The following GOLGA1 variants were observed in gnomAD, a reference collection of about 807,000 sequenced individuals.
The protein encoded by GOLGA1 is golgin subfamily A member 1.
In GOLGA1, 63 loss-of-function variants were observed where a neutral mutation model predicts 119.7. The observed-to-expected ratio is 0.53, with a 90% confidence interval of 0.43 to 0.65. GOLGA1 has a LOEUF of 0.65. GOLGA1 is among the 30% of genes least tolerant of loss of function. GOLGA1 has a pLI of 0.00. For synonymous variants in GOLGA1, 318 were observed against 333.4 expected (o/e 0.95, Z 0.50); for missense variants, 798 against 912.8 (o/e 0.87, Z 1.62).
At chr9:124,929,161 C>T in intron 5 of GOLGA1, 55 bp downstream of exon 5, 2 of 1,037,776 alleles carry the variant, frequency 1.9e-6, no homozygotes, top group South Asian at 2.6e-5. Flanking sequence ...ACTATTGTTT[C>T]ATTTCAAAAA....
At chr9:124,923,330 G>A in intron 7 of GOLGA1, 107 bp from the exon 8 acceptor site, 1 of 873,734 alleles carries the variant, frequency 1.1e-6, no homozygotes, top group Non-Finnish European at 1.7e-6. Context: ...TAGAGACAGA[G>A]TCTCACTAGT....
chr9:124,892,319 T>C (rs1174120903), intron 15 of GOLGA1, among the ~76,000 whole-genome samples: 1 of 152,226 alleles, frequency 6.6e-6, no homozygotes, highest in Non-Finnish European at 1.5e-5. Flanking sequence ...GAGTTTGATT[T>C]GTGCCTTCTT....
chr9:124,897,437 C>T (rs1202062421), intron 15 of GOLGA1, among the ~76,000 whole-genome samples: 1 of 152,112 alleles, frequency 6.6e-6, no homozygotes, highest in South Asian at 2.1e-4. Context: ...CTCCACCTCC[C>T]GGGTTCAAGT....
At position 124,938,790 on chromosome 9, in the gene GOLGA1, GCC is replaced by G. The variant is rs1564347913; in HGVS notation, c.-81_-80del. On this transcript the variant is annotated 5_prime_UTR_variant, in exon 3 of 23. The change abolishes the stop of an existing upstream ORF in the 5' untranslated region. Coordinates refer to ENST00000373555, the MANE Select transcript of GOLGA1 (RefSeq NM_002077.4). ...CTGTGTTCAGGATTCAGACAGAGGC[GCC>G]TACAAAGTTTCAGACATCCAAGCTA... 1 of 1,290,578 alleles carries G rather than the reference GCC, an allele frequency of 7.7e-7. No homozygotes were observed. The allele number at this position is 1,290,578 out of a possible 1,614,324, so 79.9% of individuals were successfully genotyped here. A position where few individuals can be genotyped will look rare whatever the true frequency, so the allele number is the denominator to read the frequency against.
At chr9:124,917,254 T>C (rs1014893915) in intron 10 of GOLGA1, among the ~76,000 whole-genome samples, 9 of 152,232 alleles carry the variant, frequency 5.9e-5, no homozygotes, top group African/African-American at 2.2e-4. Context: ...AAACACATTG[T>C]TCTTTTTCTT....
chr9:124,915,543 T>C (rs1245579290), intron 10 of GOLGA1, among the ~76,000 whole-genome samples: 1 of 152,156 alleles, frequency 6.6e-6, no homozygotes, highest in East Asian at 1.9e-4. Context: ...TGCCTTTTTT[T>C]CCTTCATTAT....
At chr9:124,890,354 G>GCCCTCTCCAACAGTCTCAC in intron 16 of GOLGA1, 35 bp downstream of exon 16, 1 of 1,391,884 alleles carries the variant, frequency 7.2e-7, no homozygotes, top group Non-Finnish European at 1.0e-6. Flanking sequence ...GGGACTGCAG[G>GCCCTCTCCAACAGTCTCAC]GGGACATCGC....
chr9:124,900,702 C>T (rs1388492255), intron 12 of GOLGA1, among the ~76,000 whole-genome samples, 155 bp from the exon 13 acceptor site: 1 of 152,206 alleles, frequency 6.6e-6, no homozygotes, highest in Non-Finnish European at 1.5e-5. Context: ...CATTATAAAA[C>T]ACTAGCATTC....
Position 124,938,619 on chromosome 9 carries a change from C to T in GOLGA1, c.93G>A (p.Lys31=). 6.2e-7 allele frequency: 1 copy of T among 1,613,494 alleles called. No homozygotes were observed. The highest frequency in any genetic ancestry group is 8.5e-7 in the Non-Finnish European group (1 of 1,179,484). ...CAGCTCCCATTGAGGCAACTGATTC[C>T]TTGCTCACAGACCGTGGGATCCTAG... ...GATRIPRSVS[K]ESVASMGADS... The change falls in exon 3 of 23, where the codon AAG becomes AAA. Residue 31 remains lysine, a synonymous_variant. Coordinates refer to ENST00000373555, the MANE Select transcript of GOLGA1 (RefSeq NM_002077.4).
chr9:124,892,671 G>A (rs185402421), intron 15 of GOLGA1, among the ~76,000 whole-genome samples: 101 of 152,076 alleles, frequency 6.6e-4, no homozygotes, highest in African/African-American at 2.3e-3. Context: ...GGTGGCTCAC[G>A]CCTGTAATCC....
Position 124,899,373 on chromosome 9 carries a change from C to T in GOLGA1, c.1267G>A (p.Glu423Lys). The change falls in exon 14 of 23, where the codon GAG (glutamate) becomes AAG (lysine). Residue 423 changes from glutamate to lysine, a missense_variant. Transcript: ENST00000373555. ...QALEAQIVAL[E>K]RTRAADQTTA... is the part of the protein sequence containing the mutation. ...GTCTGGTCAGCTGCCCGCGTTCTCT[C>T]CAGGGCCACTATCTGGGCTTCTAGC... is the stretch of plus-strand genomic sequence containing the variant. The T allele has an allele frequency of 6.5e-7, 1 of 1,549,644 alleles. No homozygotes were observed. The highest frequency in any genetic ancestry group is 1.2e-5 in the South Asian group (1 of 84,068).
chr9:124,878,320 T>G lies in GOLGA1; in HGVS notation c.*2210A>C, dbSNP rs1336112915. 6 of 152,302 alleles carry G rather than the reference T, an allele frequency of 3.9e-5. No homozygotes were observed. Among genetic ancestry groups the G allele is most frequent in the Non-Finnish European group, 8.8e-5 (6 of 68,038 alleles). The allele number at this position is 152,302 out of a possible 1,614,324, so 9.4% of individuals were successfully genotyped here. ...ATGAGACACAAAATACCAGATTTAA[T>G]GAGTCAAAGAAATACTGACACACCA... On this transcript the variant is annotated 3_prime_UTR_variant, in exon 23 of 23. Coordinates refer to ENST00000373555, the MANE Select transcript of GOLGA1 (RefSeq NM_002077.4).
At chr9:124,899,036 A>C (rs1022829227) in intron 14 of GOLGA1, among the ~76,000 whole-genome samples, 3 of 152,092 alleles carry the variant, frequency 2.0e-5, no homozygotes, top group African/African-American at 7.2e-5. Context: ...TCTCTCCAAA[A>C]AATTTAAAAA....
intron 12 of GOLGA1, among the ~76,000 whole-genome samples, chr9:124,900,970 A>AT (rs1214606701): frequency 0.061 from 8,378 of 136,700 alleles, 485 homozygotes; most frequent in Non-Finnish European, 0.092. Flanking sequence ...TTCACACAGT[A>AT]TTTTTTTTTT....
intron 15 of GOLGA1, among the ~76,000 whole-genome samples, chr9:124,892,836 G>A (rs1217206750): frequency 9.2e-5 from 14 of 151,396 alleles, no homozygotes; most frequent in Admixed American, 9.2e-4. Flanking sequence ...GGAGGCTAAG[G>A]CAGGAGAATC....
chr9:124,920,381 G>A (rs1830542402), intron 10 of GOLGA1, among the ~76,000 whole-genome samples: 1 of 151,742 alleles, frequency 6.6e-6, no homozygotes, highest in Admixed American at 6.6e-5. Context: ...CTACAGGCTT[G>A]AGTCACTGTG....
chr9:124,882,315 C>T (rs1829606763), intron 20 of GOLGA1, among the ~76,000 whole-genome samples, 195 bp downstream of exon 20: 1 of 152,212 alleles, frequency 6.6e-6, no homozygotes, highest in South Asian at 2.1e-4. Context: ...AGGGCTGTAG[C>T]CACGGAGCTG....
intron 2 of GOLGA1, among the ~76,000 whole-genome samples, 181 bp downstream of exon 2, chr9:124,939,925 C>G (rs1267774976): frequency 1.3e-5 from 2 of 152,086 alleles, no homozygotes; most frequent in African/African-American, 4.8e-5. Flanking sequence ...AAACCTTTTC[C>G]TCCTAATGGT....
chr9:124,944,572 A>G (rs1450114918), upstream of GOLGA1: 5 of 146,336 alleles, frequency 3.4e-5, no homozygotes, highest in South Asian at 4.2e-4. Context: ...TTATTGTGCT[A>G]AAACACTAAG....
Sources: gnomAD v4.1 joint callset for allele counts (sites outside exome capture counted in the v4.1 genomes callset) on GRCh38, gnomAD v4.1.1 for gene constraint, MANE v1.5 for transcripts, NCBI Gene and HGNC (gene_info 2026-07-23, HGNC 2026-07-21) for gene names.